Variants in DMD observed in about 807,000 individuals in gnomAD.
DMD encodes mutant dystrophin.
A neutral mutation model predicts 330.1 loss-of-function variants in DMD; 63 were observed. That is an observed-to-expected ratio of 0.19 (90% CI 0.16 to 0.24). The LOEUF (loss-of-function observed/expected upper bound fraction) is 0.24, where lower values mean the gene tolerates loss of function less well. Ranked by LOEUF, DMD falls within the 10% of genes least tolerant of loss-of-function variation. The pLI is 1.00. For missense variants in DMD, 3,344 were observed against 2,684.1 expected (o/e 1.25, Z -5.43); for synonymous variants, 1,223 against 959.8 (o/e 1.27, Z -5.07).
chrX:31,265,797 G>T (rs1324795001), intron 62 of DMD, among the ~76,000 whole-genome samples: 2 of 18,571 alleles, frequency 1.1e-4, no homozygotes, highest in Non-Finnish European at 1.8e-4. Flanking sequence ...GGGGGGGGGG[G>T]TGGGTGACAA....
intron 43 of DMD, among the ~76,000 whole-genome samples, chrX:32,272,479 A>G (rs2097368809): frequency 8.9e-6 from 1 of 112,304 alleles, no homozygotes. Flanking sequence ...AAAAGTCATT[A>G]TACGTATTTG....
chrX:32,201,449 A>G (rs1273543937), intron 44 of DMD, among the ~76,000 whole-genome samples: 1 of 89,241 alleles, frequency 1.1e-5, no homozygotes, highest in African/African-American at 4.5e-5. Context: ...GGGTGAGACT[A>G]TTTATATGCA....
At chrX:32,166,188 T>C (rs1478766977) in intron 44 of DMD, among the ~76,000 whole-genome samples, 1 of 111,457 alleles carries the variant, frequency 9.0e-6, no homozygotes, top group Non-Finnish European at 1.9e-5. Context: ...GGCATGGTGG[T>C]TCATGCCTGT....
At chrX:31,293,004 G>A (rs914606189) in intron 62 of DMD, among the ~76,000 whole-genome samples, 1 of 110,814 alleles carries the variant, frequency 9.0e-6, no homozygotes, top group Non-Finnish European at 1.9e-5. Context: ...GATTTCTGAG[G>A]TAGTGGTTAT....
At chrX:31,939,844 A>G (rs1379748753) in intron 45 of DMD, among the ~76,000 whole-genome samples, 2 of 112,081 alleles carry the variant, frequency 1.8e-5, no homozygotes, top group African/African-American at 3.2e-5. Flanking sequence ...GAGCCACCTG[A>G]CAACTTTATT....
intron 55 of DMD, among the ~76,000 whole-genome samples, chrX:31,558,679 T>A (rs2075003910): frequency 9.0e-6 from 1 of 111,132 alleles, no homozygotes. Context: ...TGCGTATATA[T>A]ATATATGGAC....
intron 62 of DMD, among the ~76,000 whole-genome samples, chrX:31,322,964 T>C (rs746327001): frequency 3.4e-4 from 38 of 111,908 alleles, no homozygotes; most frequent in Non-Finnish European, 6.8e-4. Context: ...CTCCTCTCTC[T>C]TCCACGTTGA....
intron 23 of DMD, among the ~76,000 whole-genome samples, chrX:32,467,491 C>G (rs1203294451): frequency 9.1e-6 from 1 of 110,118 alleles, no homozygotes; most frequent in Admixed American, 9.8e-5. Context: ...CATATAATTA[C>G]AAATTCGATA....
At chrX:31,547,152 A>C (rs777678075) in intron 55 of DMD, among the ~76,000 whole-genome samples, 1 of 112,560 alleles carries the variant, frequency 8.9e-6, no homozygotes, top group Non-Finnish European at 1.9e-5. Flanking sequence ...GGATTTAAAT[A>C]ACATAATAAA....
chrX:32,908,803 G>C (rs1169009930), intron 2 of DMD, among the ~76,000 whole-genome samples: 1 of 111,681 alleles, frequency 9.0e-6, no homozygotes, highest in African/African-American at 3.3e-5. Flanking sequence ...AAGTTCCTGA[G>C]GTAGTTGATA....
chrX:32,964,955 G>A (rs770791770), intron 2 of DMD, among the ~76,000 whole-genome samples: 119 of 111,722 alleles, frequency 1.1e-3, no homozygotes, highest in Non-Finnish European at 1.6e-3. Flanking sequence ...TAGCTCTCTA[G>A]ACTTAGCTGC....
intron 45 of DMD, among the ~76,000 whole-genome samples, chrX:31,950,233 T>C (rs1271838071): frequency 8.9e-6 from 1 of 111,848 alleles, no homozygotes; most frequent in African/African-American, 3.2e-5. Context: ...TATAATTTCC[T>C]ATGTGATTTA....
In DMD at chrX:32,156,767, A is replaced by C. The variant is rs767414051; in HGVS notation, c.6438+60149T>G. Among the ~76,000 whole-genome samples the C allele has an allele frequency of 4.5e-5, 5 of 111,774 alleles. No individual in the cohort carries two copies. In the South Asian group the frequency reaches 1.9e-3, roughly 42 times the overall value. The stretch of plus-strand genomic sequence containing the variant: ...TCCTCAAGGAAATTTTACTTCTTCT[A>C]TGAGGACTTCTCAGTAACCCTAAAT... On this transcript the variant is annotated intron_variant, in intron 44 of 78. Coordinates refer to ENST00000357033, the MANE Select transcript of DMD (RefSeq NM_004006.3).
intron 61 of DMD, among the ~76,000 whole-genome samples, chrX:31,329,969 CAAAAAAAAAAAAAA>C (rs142353794): frequency 3.1e-4 from 4 of 12,878 alleles, no homozygotes; most frequent in Admixed American, 3.0e-3. Context: ...GATTCCATCT[CAAAAAAAAAAAAAA>C]AAAAAAAAAA....
chrX:31,253,677 T>C (rs764069320), intron 63 of DMD, among the ~76,000 whole-genome samples: 26 of 111,849 alleles, frequency 2.3e-4, no homozygotes, highest in Admixed American at 2.0e-3. Context: ...TTTAGCCCCA[T>C]TGACTTAACT....
At chrX:33,230,187 T>TGATAGA (rs2052364923) in intron 1 of DMD, among the ~76,000 whole-genome samples, 1 of 112,284 alleles carries the variant, frequency 8.9e-6, no homozygotes, top group South Asian at 3.6e-4. Context: ...ATAGAGGGAT[T>TGATAGA]GATAGAGACC....
chrX:33,336,027 C>T (rs1489167117), intron 1 of DMD, among the ~76,000 whole-genome samples: 1 of 111,158 alleles, frequency 9.0e-6, no homozygotes, highest in Non-Finnish European at 1.9e-5. Context: ...TCTTTCTAAA[C>T]CATCTCACCT....
At chrX:32,654,109 G>T (rs1179005506) in intron 9 of DMD, among the ~76,000 whole-genome samples, 1 of 111,503 alleles carries the variant, frequency 9.0e-6, no homozygotes, top group Non-Finnish European at 1.9e-5. Flanking sequence ...GGGACAATTT[G>T]ACTTCCTCTT....
At chrX:33,115,416 C>T (rs2095374097) in intron 1 of DMD, among the ~76,000 whole-genome samples, 1 of 110,851 alleles carries the variant, frequency 9.0e-6, no homozygotes, top group Admixed American at 9.6e-5. Context: ...GGGGGATCTC[C>T]TAAACGAAAG....
Sources: gnomAD v4.1 joint callset for allele counts (sites outside exome capture counted in the v4.1 genomes callset) on GRCh38, gnomAD v4.1.1 for gene constraint, MANE v1.5 for transcripts, NCBI Gene and HGNC (gene_info 2026-07-23, HGNC 2026-07-21) for gene names.